The following PIGN variants were observed in gnomAD, a reference collection of about 807,000 sequenced individuals.
The protein encoded by PIGN is GPI ethanolamine phosphate transferase 1.
PIGN carries 117 observed loss-of-function variants against 125.4 expected under a neutral mutation model. That is an observed-to-expected ratio of 0.93 (90% CI 0.80 to 1.09). PIGN has a LOEUF of 1.09. Ranked by LOEUF, PIGN falls within the 50% of genes least tolerant of loss-of-function variation. PIGN has a pLI of 0.00. For missense variants in PIGN, 1,075 were observed against 1,094.9 expected, an observed-to-expected ratio of 0.98 and a Z score of 0.26; for synonymous variants, 392 against 377.8, an observed-to-expected ratio of 1.04 and a Z score of -0.44.
intron 30 of PIGN, among the ~76,000 whole-genome samples, chr18:62,057,901 TA>T (rs2031842207): frequency 6.6e-6 from 1 of 152,164 alleles, no homozygotes; most frequent in African/African-American, 2.4e-5. Flanking sequence ...AATAAATTAA[TA>T]AATAAAGACT....
Position 62,106,804 on chromosome 18 carries a change from C to T in PIGN, c.1752G>A (p.Leu584=), listed in dbSNP as rs9319997. The stretch of plus-strand genomic sequence containing the variant: ...GTACTCATACCTTTGCTCGAGTCCA[C>T]AGCCGAGTGAGAAATGGCCAAGCTG... ...AFAAWPFLTR[L]WTRAKMTSLS... is the part of the protein sequence containing the mutation. Residue 584 remains leucine, a synonymous_variant, in exon 19 of 31, where the codon CTG becomes CTA. Transcript: ENST00000640252. 351,973 of 1,603,330 alleles carry T rather than the reference C, an allele frequency of 0.22. 42,752 individuals carry two copies. The highest frequency in any genetic ancestry group is 0.25 in the Non-Finnish European group (294,477 of 1,173,692).
intron 14 of PIGN, among the ~76,000 whole-genome samples, chr18:62,128,445 C>T (rs1231461859): frequency 1.3e-5 from 2 of 151,972 alleles, no homozygotes; most frequent in African/African-American, 4.8e-5. Flanking sequence ...ACCACTAGGC[C>T]ACGGAAGGTA....
chr18:62,114,124 A>C (rs1422889096), intron 15 of PIGN, among the ~76,000 whole-genome samples: 1 of 152,098 alleles, frequency 6.6e-6, no homozygotes, highest in African/African-American at 2.4e-5. Context: ...CACTTTGGGA[A>C]GCCAAGGCGG....
At chr18:62,039,923 A>C (rs1599378987), downstream of PIGN, among the ~76,000 whole-genome samples, 1 of 32,188 alleles carries the variant, frequency 3.1e-5, no homozygotes, top group Non-Finnish European at 5.1e-5. Flanking sequence ...AGGGTGCCGC[A>C]CCCCATGTTT....
At chr18:62,137,581 C>T (rs1266096928) in intron 14 of PIGN, 1 of 153,416 alleles carries the variant, frequency 6.5e-6, no homozygotes, top group Admixed American at 6.5e-5. Context: ...GGACTATAGG[C>T]ATGCACCACT....
In PIGN at chr18:62,079,559, G is replaced by A. The variant is rs566100366; in HGVS notation, c.2576+3114C>T. 2.0e-5 allele frequency among the ~76,000 whole-genome samples: 3 copies of A among 152,132 alleles called. No individual in the cohort carries two copies. In the South Asian group the frequency reaches 6.2e-4, roughly 32 times the overall value. On this transcript the variant is annotated intron_variant, in intron 28 of 30. Coordinates refer to ENST00000640252, the MANE Select transcript of PIGN (RefSeq NM_176787.5). ...ATCTGACCCAGGAAAAATTAGACCT[G>A]GTAGAAACAACACCAAATAACATTG... is the stretch of plus-strand genomic sequence containing the variant.
intron 30 of PIGN, among the ~76,000 whole-genome samples, chr18:62,061,715 C>T (rs1270568114): frequency 6.6e-6 from 1 of 152,138 alleles, no homozygotes; most frequent in East Asian, 1.9e-4. Flanking sequence ...GTGAAGGGAG[C>T]TCTGCCGGTC....
In PIGN at chr18:62,140,487, T is replaced by TA. The variant is rs2147171105; in HGVS notation, c.964-9dup. On this transcript the variant is annotated splice_polypyrimidine_tract_variant and intron_variant, in intron 11 of 30. Coordinates refer to ENST00000640252, the MANE Select transcript of PIGN (RefSeq NM_176787.5). ...CAATGGTGCAATATCAGCCTACAAATAAAAAAGCTCAATTCTAAGAAGTCT... is the reference window on the plus strand; with the variant it reads ...CAATGGTGCAATATCAGCCTACAAATAAAAAAAGCTCAATTCTAAGAAGTCT... The TA allele has an allele frequency of 1.3e-6, 2 of 1,502,308 alleles. No homozygotes were observed. The highest frequency in any genetic ancestry group is 1.8e-6 in the Non-Finnish European group (2 of 1,093,856). The allele number at this position is 1,502,308 out of a possible 1,614,324, so 93.1% of individuals were successfully genotyped here.
At chr18:62,080,309 C>A (rs1329695243) in intron 28 of PIGN, among the ~76,000 whole-genome samples, 1 of 152,204 alleles carries the variant, frequency 6.6e-6, no homozygotes, top group Non-Finnish European at 1.5e-5. Context: ...GCCTTCTAAT[C>A]TTCTCTCATG....
rs1366565265 is a variant in PIGN, at chr18:62,083,295, A to G, written c.2503-549T>C. ...TTTATAAAACATTTGAAATAAAGCT[A>G]TAGTAAAATTTATGCTGGTTGAAAA... On this transcript the variant is annotated intron_variant, in intron 27 of 30. Transcript: ENST00000640252. Among the ~76,000 whole-genome samples, 3 of 152,288 alleles carry G rather than the reference A, an allele frequency of 2.0e-5. No individual in the cohort carries two copies. The East Asian group carries it at 5.8e-4, about 29-fold the overall frequency.
intron 4 of PIGN, among the ~76,000 whole-genome samples, chr18:62,160,480 T>C (rs1006181679): frequency 3.9e-5 from 6 of 152,174 alleles, no homozygotes; most frequent in African/African-American, 1.2e-4. Flanking sequence ...CATTAATATT[T>C]ATGCTTGTCT....
At chr18:62,079,901 A>G (rs1447144435) in intron 28 of PIGN, among the ~76,000 whole-genome samples, 3 of 152,160 alleles carry the variant, frequency 2.0e-5, no homozygotes, top group Admixed American at 1.3e-4. Context: ...CTGATTTAAT[A>G]GAGTACCCAC....
At chr18:62,051,013 G>C (rs1478300745) in intron 30 of PIGN, among the ~76,000 whole-genome samples, 1 of 150,454 alleles carries the variant, frequency 6.6e-6, no homozygotes, top group African/African-American at 2.4e-5. Context: ...TTATTGATTT[G>C]TGTATATTGA....
At chr18:62,064,477 C>T (rs1183779904) in intron 30 of PIGN, among the ~76,000 whole-genome samples, 4 of 152,220 alleles carry the variant, frequency 2.6e-5, no homozygotes, top group African/African-American at 9.6e-5. Flanking sequence ...GGTGAGTGTT[C>T]AATATGTATT....
intron 23 of PIGN, among the ~76,000 whole-genome samples, chr18:62,028,434 A>G (rs138692292): frequency 1.3e-5 from 2 of 152,354 alleles, no homozygotes; most frequent in Non-Finnish European, 2.9e-5. Flanking sequence ...AATTTAAACA[A>G]GAAGCCTTTA....
At chr18:62,173,688 G>C (rs560128821) in intron 1 of PIGN, among the ~76,000 whole-genome samples, 3 of 152,156 alleles carry the variant, frequency 2.0e-5, no homozygotes, top group Non-Finnish European at 4.4e-5. Flanking sequence ...TAGAATAAAC[G>C]TATGTCAAGT....
chr18:62,177,451 T>A (rs927258564), intron 1 of PIGN, among the ~76,000 whole-genome samples: 2 of 152,196 alleles, frequency 1.3e-5, no homozygotes. Context: ...TGGTTTCCCA[T>A]AGCATTTTGA....
chr18:62,144,597 T>C (rs1599623537), intron 10 of PIGN, among the ~76,000 whole-genome samples: 1 of 152,198 alleles, frequency 6.6e-6, no homozygotes, highest in Non-Finnish European at 1.5e-5. Flanking sequence ...CTAACCTTCA[T>C]ATGAATGGCT....
At chr18:62,165,291 C>T (rs1402343632) in intron 1 of PIGN, among the ~76,000 whole-genome samples, 4 of 152,132 alleles carry the variant, frequency 2.6e-5, no homozygotes, top group Admixed American at 2.0e-4. Flanking sequence ...AAGCCAGGTC[C>T]GTGTCCTTTA....
Sources: allele counts gnomAD v4.1 joint callset (sites outside exome capture counted in the v4.1 genomes callset), GRCh38; gene constraint gnomAD v4.1.1; transcripts MANE v1.5; gene names NCBI Gene and HGNC (gene_info 2026-07-23, HGNC 2026-07-21).